Variants in BCKDHB observed in about 807,000 individuals in gnomAD.
The protein encoded by BCKDHB is branched chain keto acid dehydrogenase E1 subunit beta.
BCKDHB carries 41 observed loss-of-function variants against 48.5 expected under a neutral mutation model. The ratio of observed to expected loss-of-function variants is 0.85; its 90% confidence interval spans 0.66 to 1.10. BCKDHB has a LOEUF of 1.10. Among genes scored for constraint, BCKDHB ranks in the 50% least tolerant of loss-of-function variants. BCKDHB has a pLI of 0.00. For missense variants in BCKDHB, 496 were observed against 494.2 expected, an observed-to-expected ratio of 1.00 and a Z score of -0.03; for synonymous variants, 201 against 174.8, an observed-to-expected ratio of 1.15 and a Z score of -1.18.
chr6:80,137,414 G>A (rs1296040303), intron 3 of BCKDHB, among the ~76,000 whole-genome samples: 2 of 152,024 alleles, frequency 1.3e-5, no homozygotes, highest in African/African-American at 2.4e-5. Flanking sequence ...TAAGAGTCAG[G>A]GTCTTGCTCT....
intron 9 of BCKDHB, among the ~76,000 whole-genome samples, chr6:80,310,718 A>G (rs112880834): frequency 2.0e-5 from 3 of 152,282 alleles, no homozygotes; most frequent in Non-Finnish European, 2.9e-5. Context: ...CCCACCAACA[A>G]TGTAAAAGTG....
the BCKDHB span, among the ~76,000 whole-genome samples, chr6:80,417,225 T>C: frequency 6.6e-6 from 1 of 152,198 alleles, no homozygotes; most frequent in Non-Finnish European, 1.5e-5. Context: ...CTGTTTATTT[T>C]CAGCCTATGT....
intron 8 of BCKDHB, among the ~76,000 whole-genome samples, chr6:80,259,685 T>C (rs1329600004): frequency 6.6e-6 from 1 of 152,184 alleles, no homozygotes; most frequent in East Asian, 1.9e-4. Flanking sequence ...TTTTAATTTA[T>C]TGGAAATAAC....
chr6:80,270,338 A>T (rs1480397675), intron 8 of BCKDHB, among the ~76,000 whole-genome samples: 3 of 152,146 alleles, frequency 2.0e-5, no homozygotes, highest in African/African-American at 7.2e-5. Flanking sequence ...AATGAATCAT[A>T]AGTGCTTTCC....
chr6:80,305,502 T>C (rs1314423134), intron 9 of BCKDHB, among the ~76,000 whole-genome samples: 1 of 152,202 alleles, frequency 6.6e-6, no homozygotes. Flanking sequence ...ATTTAAGTTG[T>C]TATTTAATGG....
chr6:80,220,038 C>T (rs919200162), intron 8 of BCKDHB, among the ~76,000 whole-genome samples: 1 of 151,896 alleles, frequency 6.6e-6, no homozygotes, highest in Admixed American at 6.6e-5. Context: ...CATGACTTTC[C>T]TCTGGGAATG....
chr6:80,407,095 C>A, the BCKDHB span, among the ~76,000 whole-genome samples: 1 of 152,108 alleles, frequency 6.6e-6, no homozygotes, highest in Non-Finnish European at 1.5e-5. Context: ...TTTCCCAGTA[C>A]CATTTATTAA....
intron 6 of BCKDHB, among the ~76,000 whole-genome samples, chr6:80,186,712 C>T (rs370001549): frequency 2.0e-5 from 3 of 152,204 alleles, no homozygotes; most frequent in African/African-American, 7.2e-5. Flanking sequence ...GGCTGCCTTC[C>T]CCAAGGACCC....
chr6:80,359,742 G>A, the BCKDHB span, among the ~76,000 whole-genome samples: 23 of 151,946 alleles, frequency 1.5e-4, no homozygotes, highest in Non-Finnish European at 1.5e-4. Flanking sequence ...TTACAGGTGC[G>A]TGCCACCACG....
At chr6:80,343,169 C>T (rs1770007574) in intron 9 of BCKDHB, among the ~76,000 whole-genome samples, 1 of 152,162 alleles carries the variant, frequency 6.6e-6, no homozygotes, top group East Asian at 1.9e-4. Flanking sequence ...AAAAGCTAGA[C>T]TATGAGAGAG....
the BCKDHB span, among the ~76,000 whole-genome samples, chr6:80,463,721 C>T: frequency 6.6e-6 from 1 of 152,132 alleles, no homozygotes. Flanking sequence ...ACAGCTACCA[C>T]CCATAAGCAT....
intron 9 of BCKDHB, among the ~76,000 whole-genome samples, chr6:80,332,746 A>G (rs1450007817): frequency 6.7e-6 from 1 of 150,244 alleles, no homozygotes; most frequent in African/African-American, 2.4e-5. Context: ...ACATCCTACC[A>G]TATGTTCACC....
intron 6 of BCKDHB, 134 bp downstream of exon 6, chr6:80,171,524 T>C (rs1772916159): frequency 1.6e-6 from 1 of 615,824 alleles, no homozygotes; most frequent in Non-Finnish European, 2.7e-6. Flanking sequence ...ATTTTTTTGG[T>C]ATTTAGTTTG....
chr6:80,411,778 G>T, the BCKDHB span, among the ~76,000 whole-genome samples: 92 of 152,360 alleles, frequency 6.0e-4, no homozygotes, highest in African/African-American at 2.2e-3. Flanking sequence ...AGCCAGGCAC[G>T]GGAGGGAATC....
intron 8 of BCKDHB, among the ~76,000 whole-genome samples, chr6:80,227,516 G>T (rs1295307239): frequency 2.6e-5 from 4 of 152,118 alleles, no homozygotes; most frequent in Non-Finnish European, 5.9e-5. Flanking sequence ...AAGTATTTGG[G>T]TTCCAGTTTA....
rs1410520713 is a variant in BCKDHB at position 80,106,743 on chromosome 6, C to CAGGGGCTG, written c.57_64dup (p.His22LeufsTer53). 6.8e-5 allele frequency: 107 copies of CAGGGGCTG among 1,567,030 alleles called. No individual in the cohort carries two copies. Among genetic ancestry groups the CAGGGGCTG allele is most frequent in the Non-Finnish European group, 9.2e-5 (106 of 1,157,146 alleles). Reference sequence around the variant, plus strand: ...GGCTGGCTACTCAGGCTCAGGGCGGCAGGGGCTGAGGGGCACTGGCGTCGG... The same window carrying CAGGGGCTG: ...GGCTGGCTACTCAGGCTCAGGGCGGCAGGGGCTGAGGGGCTGAGGGGCACTGGCGTCGG... On this transcript the variant is annotated frameshift_variant, in exon 1 of 10. Coordinates refer to ENST00000320393, the MANE Select transcript of BCKDHB (RefSeq NM_183050.4). LOFTEE classifies it high-confidence loss of function.
At chr6:80,425,272 C>T in the BCKDHB span, among the ~76,000 whole-genome samples, 2 of 152,154 alleles carry the variant, frequency 1.3e-5, no homozygotes, top group African/African-American at 4.8e-5. Flanking sequence ...CCTTAGGCCA[C>T]ACTGGAATTC....
At chr6:80,126,978 A>G (rs1326914217) in intron 1 of BCKDHB, among the ~76,000 whole-genome samples, 1 of 152,188 alleles carries the variant, frequency 6.6e-6, no homozygotes, top group Non-Finnish European at 1.5e-5. Context: ...TAGGGAATGG[A>G]CACTGGCTCA....
chr6:80,304,114 A>G (rs910504434), intron 9 of BCKDHB, among the ~76,000 whole-genome samples: 4 of 152,142 alleles, frequency 2.6e-5, no homozygotes, highest in Non-Finnish European at 4.4e-5. Context: ...TGATAAAATC[A>G]AATACTTTAT....
Sources: gnomAD v4.1 joint callset for allele counts (sites outside exome capture counted in the v4.1 genomes callset) on GRCh38, gnomAD v4.1.1 for gene constraint, MANE v1.5 for transcripts, NCBI Gene and HGNC (gene_info 2026-07-23, HGNC 2026-07-21) for gene names.